WDR72: variants seen among roughly 807,000 people sequenced by gnomAD.
WDR72 encodes the protein WD repeat-containing protein 72.
In WDR72, 120 loss-of-function variants were observed where a neutral mutation model predicts 124.2. The ratio of observed to expected loss-of-function variants is 0.97; its 90% CI spans 0.83 to 1.12. The LOEUF is 1.12. Ranked by LOEUF, WDR72 falls within the 50% of genes most tolerant of loss-of-function variation. The pLI is 0.00. For missense variants in WDR72, 1,387 were observed against 1,278.8 expected (o/e 1.08, Z -1.29); for synonymous variants, 452 against 441.7 (o/e 1.02, Z -0.29).
upstream of WDR72, among the ~76,000 whole-genome samples, chr15:53,761,001 G>T (rs1182186023): frequency 6.6e-6 from 1 of 152,084 alleles, no homozygotes; most frequent in Non-Finnish European, 1.5e-5. Context: ...GTGTGTGCCT[G>T]TAGTCGATGC....
At chr15:53,706,356 A>G (rs1211769373) in intron 9 of WDR72, among the ~76,000 whole-genome samples, 16,973 of 49,804 alleles carry the variant, frequency 0.34, 2,103 homozygotes, top group Middle Eastern at 0.58. Context: ...GTGTGTATAT[A>G]TATATATATA....
At chr15:53,550,485 T>C (rs1430447099) in intron 18 of WDR72, among the ~76,000 whole-genome samples, 2 of 152,220 alleles carry the variant, frequency 1.3e-5, no homozygotes, top group African/African-American at 4.8e-5. Context: ...TGGGAGCTTA[T>C]CAGAATCTCT....
chr15:53,576,461 T>G (rs1159956851), intron 18 of WDR72, among the ~76,000 whole-genome samples: 2 of 152,190 alleles, frequency 1.3e-5, no homozygotes, highest in Non-Finnish European at 2.9e-5. Flanking sequence ...CCACTCCCAT[T>G]GCACTAAAGC....
At chr15:53,684,796 G>A (rs1255916411) in intron 13 of WDR72, among the ~76,000 whole-genome samples, 1 of 151,514 alleles carries the variant, frequency 6.6e-6, no homozygotes, top group Non-Finnish European at 1.5e-5. Flanking sequence ...AACCTCTGCA[G>A]ACTTAAATGT....
At chr15:53,656,325 A>T (rs2015419442) in intron 14 of WDR72, among the ~76,000 whole-genome samples, 1 of 152,220 alleles carries the variant, frequency 6.6e-6, no homozygotes, top group South Asian at 2.1e-4. Context: ...ATCACTATTA[A>T]AACAGAATTC....
chr15:53,704,531 G>T (rs901501862), intron 11 of WDR72, among the ~76,000 whole-genome samples: 7 of 150,268 alleles, frequency 4.7e-5, no homozygotes, highest in African/African-American at 7.3e-5. Flanking sequence ...TTTGGTTTTG[G>T]TTTTTTTTGA....
intron 19 of WDR72, among the ~76,000 whole-genome samples, chr15:53,522,097 T>C (rs1182982390): frequency 6.6e-6 from 1 of 151,670 alleles, no homozygotes; most frequent in African/African-American, 2.4e-5. Flanking sequence ...CTTGGTGGAG[T>C]GAAGAGGACT....
intron 14 of WDR72, among the ~76,000 whole-genome samples, chr15:53,662,499 G>T (rs1438061168): frequency 2.0e-5 from 3 of 152,056 alleles, no homozygotes; most frequent in Non-Finnish European, 4.4e-5. Context: ...TATTGTTGGA[G>T]AATATTTCAC....
At chr15:53,669,474 T>C (rs746321165) in intron 13 of WDR72, among the ~76,000 whole-genome samples, 3 of 152,196 alleles carry the variant, frequency 2.0e-5, no homozygotes, top group Non-Finnish European at 4.4e-5. Context: ...CTATATTCTT[T>C]AGAGTTCTCT....
chr15:53,665,863 C>T (rs1291837769), intron 13 of WDR72, 95 bp from the exon 14 acceptor site: 1 of 1,279,876 alleles, frequency 7.8e-7, no homozygotes, highest in East Asian at 2.4e-5. Flanking sequence ...AATCACAATC[C>T]TTTAAGTTAT....
chr15:53,639,689 C>T (rs2014776177), intron 14 of WDR72, among the ~76,000 whole-genome samples: 1 of 151,810 alleles, frequency 6.6e-6, no homozygotes, highest in Non-Finnish European at 1.5e-5. Flanking sequence ...TAATATTGGC[C>T]TTATGATCTT....
chr15:53,591,729 C>CACAG (rs983782909), intron 18 of WDR72, among the ~76,000 whole-genome samples: 8 of 151,148 alleles, frequency 5.3e-5, no homozygotes, highest in African/African-American at 1.9e-4. Context: ...CACACACACA[C>CACAG]ATATATACCT....
rs117927712 is a variant in WDR72 at position 53,579,346 on chromosome 15, G to A, written c.3148+17733C>T. Among the ~76,000 whole-genome samples, 461 of 152,140 alleles carry A rather than the reference G, an allele frequency of 3.0e-3. 16 individuals are homozygous for A. The East Asian group carries it at 0.08, about 26-fold the overall frequency. On this transcript the variant is annotated intron_variant, in intron 18 of 19. Transcript: ENST00000360509. Reference sequence around the variant, plus strand: ...ATTAATAGAGTTGCTGGAATAAAACGGAAACCTACAAAGAAGGGAGGAAAA... The same window carrying A: ...ATTAATAGAGTTGCTGGAATAAAACAGAAACCTACAAAGAAGGGAGGAAAA...
intron 13 of WDR72, among the ~76,000 whole-genome samples, chr15:53,669,088 G>A (rs529567863): frequency 8.6e-5 from 13 of 151,960 alleles, no homozygotes; most frequent in South Asian, 2.1e-4. Context: ...TTCTTTTCTT[G>A]GTTCTCGTGT....
chr15:53,713,022 G>T, intron 6 of WDR72, 131 bp from the exon 7 acceptor site: 2 of 1,027,168 alleles, frequency 1.9e-6, no homozygotes, highest in Non-Finnish European at 2.9e-6. Context: ...GTTACCTTTT[G>T]AGTGTTTTGA....
Position 53,663,874 on chromosome 15 carries a change from G to A in WDR72, c.1962+1698C>T, listed in dbSNP as rs1183542293. On this transcript the variant is annotated intron_variant, in intron 14 of 19. Coordinates refer to ENST00000360509, the MANE Select transcript of WDR72 (RefSeq NM_182758.4). ...CTTATGTTCAGCTGTTAATGTTGAA[G>A]TTTCAATGCATCTCTATAACTGTCC... 6.2e-5 allele frequency among the ~76,000 whole-genome samples: 9 copies of A among 144,326 alleles called. No individual in the cohort carries two copies. The East Asian group carries it at 1.4e-3, about 22-fold the overall frequency. The allele number at this position is 144,326 out of a possible 152,430, so 94.7% of individuals were successfully genotyped here.
At chr15:53,585,827 C>A (rs1566971003) in intron 18 of WDR72, among the ~76,000 whole-genome samples, 1 of 152,018 alleles carries the variant, frequency 6.6e-6, no homozygotes, top group Admixed American at 6.6e-5. Context: ...GCACTAACAA[C>A]TGGAAGCTGT....
At chr15:53,673,873 C>T (rs1163128235) in intron 13 of WDR72, among the ~76,000 whole-genome samples, 1 of 152,084 alleles carries the variant, frequency 6.6e-6, no homozygotes, top group Non-Finnish European at 1.5e-5. Flanking sequence ...CACCTGTAAT[C>T]CCAGCTAGTC....
At chr15:53,529,164 ATTTTT>A (rs1221581823) in intron 18 of WDR72, among the ~76,000 whole-genome samples, 12 of 78,158 alleles carry the variant, frequency 1.5e-4, no homozygotes, top group African/African-American at 5.0e-4. Flanking sequence ...ATATATATAT[ATTTTT>A]TTTTTTTTTT....
Sources: allele counts gnomAD v4.1 joint callset (sites outside exome capture counted in the v4.1 genomes callset), GRCh38; gene constraint gnomAD v4.1.1; transcripts MANE v1.5; gene names NCBI Gene and HGNC (gene_info 2026-07-23, HGNC 2026-07-21).